Variants in PTPRD observed in about 807,000 individuals in gnomAD.
The protein encoded by PTPRD is protein tyrosine phosphatase receptor type D.
A neutral mutation model predicts 214.5 loss-of-function variants in PTPRD; 34 were observed. The ratio of observed to expected loss-of-function variants is 0.16; its 90% CI spans 0.12 to 0.21. The LOEUF is 0.21. PTPRD is among the 10% of genes least tolerant of loss of function. The probability of loss-of-function intolerance (pLI) is 1.00; values close to 1 mark genes in which losing one functional copy is unlikely to be tolerated. For synonymous variants in PTPRD, 1,128 were observed against 845.7 expected (o/e 1.33, Z -5.79); for missense variants, 2,545 against 2,398.7 (o/e 1.06, Z -1.27).
chr9:9,786,526 A>C (rs2154493241), intron 5 of PTPRD, among the ~76,000 whole-genome samples: 1 of 152,348 alleles, frequency 6.6e-6, no homozygotes, highest in East Asian at 1.9e-4. Context: ...GAAACACAAC[A>C]GAATGTTATA....
intron 2 of PTPRD, among the ~76,000 whole-genome samples, chr9:10,513,576 G>A (rs2133902148): frequency 6.6e-6 from 1 of 152,230 alleles, no homozygotes; most frequent in South Asian, 2.1e-4. Context: ...CGCTTTTTCT[G>A]GGAACATGGT....
At chr9:8,934,840 A>G (rs943476224) in intron 11 of PTPRD, among the ~76,000 whole-genome samples, 2 of 151,818 alleles carry the variant, frequency 1.3e-5, no homozygotes, top group Admixed American at 6.6e-5. Flanking sequence ...TTTGGATTCC[A>G]TACGTAAGTG....
At chr9:10,457,680 G>A (rs2098928642) in intron 2 of PTPRD, among the ~76,000 whole-genome samples, 1 of 152,016 alleles carries the variant, frequency 6.6e-6, no homozygotes. Flanking sequence ...CAAAGTAGCT[G>A]TGGCAATTTT....
intron 9 of PTPRD, among the ~76,000 whole-genome samples, chr9:9,346,981 T>C (rs536908472): frequency 4.6e-5 from 7 of 152,106 alleles, no homozygotes; most frequent in African/African-American, 1.7e-4. Context: ...GTGTGAGCCA[T>C]TGTGCCTGGC....
At chr9:9,287,034 G>A (rs989891951) in intron 9 of PTPRD, among the ~76,000 whole-genome samples, 1 of 149,326 alleles carries the variant, frequency 6.7e-6, no homozygotes, top group Non-Finnish European at 1.5e-5. Flanking sequence ...AGACAAGCCT[G>A]GCCAACATGG....
chr9:9,810,301 C>T (rs1215313225), intron 5 of PTPRD, among the ~76,000 whole-genome samples: 1 of 151,890 alleles, frequency 6.6e-6, no homozygotes, highest in Non-Finnish European at 1.5e-5. Context: ...TCAATGTAGA[C>T]AAAATAGCCT....
At chr9:9,014,854 T>C (rs537864457) in intron 11 of PTPRD, among the ~76,000 whole-genome samples, 1 of 152,276 alleles carries the variant, frequency 6.6e-6, no homozygotes, top group African/African-American at 2.4e-5. Flanking sequence ...AAATCACTTT[T>C]TCAACATTAT....
intron 11 of PTPRD, among the ~76,000 whole-genome samples, chr9:8,761,361 A>T (rs1024526827): frequency 6.6e-6 from 1 of 152,238 alleles, no homozygotes; most frequent in Non-Finnish European, 1.5e-5. Flanking sequence ...ATATATTATA[A>T]CTAACAAAAC....
intron 12 of PTPRD, among the ~76,000 whole-genome samples, chr9:8,653,436 C>A (rs1596151868): frequency 6.6e-6 from 1 of 152,022 alleles, no homozygotes; most frequent in Admixed American, 6.6e-5. Context: ...AAGGTTCTGC[C>A]ATCCTTCACT....
At chr9:9,867,880 G>T (rs2064380841) in intron 5 of PTPRD, among the ~76,000 whole-genome samples, 1 of 152,182 alleles carries the variant, frequency 6.6e-6, no homozygotes, top group African/African-American at 2.4e-5. Context: ...CAGGGTAGGG[G>T]AGGCAAGTCT....
intron 2 of PTPRD, among the ~76,000 whole-genome samples, chr9:10,592,187 T>G (rs994815584): frequency 6.6e-6 from 1 of 151,928 alleles, no homozygotes; most frequent in Non-Finnish European, 1.5e-5. Flanking sequence ...CCCAGGAAGA[T>G]AGCTATATGA....
Position 8,948,503 on chromosome 9 carries a change from ATT to A in PTPRD, c.-104+70192_-104+70193del, listed in dbSNP as rs1457854973. Among the ~76,000 whole-genome samples, 21 of 48,642 alleles carry A rather than the reference ATT, an allele frequency of 4.3e-4. 1 individual carries two copies. Among genetic ancestry groups the A allele is most frequent in the South Asian group, 9.2e-4 (1 of 1,090 alleles). 31.9% of individuals were successfully genotyped at this position (48,642 alleles called of 152,430 possible). On this transcript the variant is annotated intron_variant, in intron 11 of 45. Transcript: ENST00000381196. ...TATTTATATATATATTTATATATAT[ATT>A]TATATATATATATTTATATATATAT...
chr9:8,817,432 T>C (rs1009111684), intron 11 of PTPRD, among the ~76,000 whole-genome samples: 8 of 152,134 alleles, frequency 5.3e-5, no homozygotes, highest in Middle Eastern at 3.2e-3. Flanking sequence ...CTGGACAACA[T>C]AGTGACACCC....
intron 3 of PTPRD, among the ~76,000 whole-genome samples, chr9:10,193,788 T>C (rs2099384889): frequency 1.3e-5 from 2 of 152,188 alleles, no homozygotes; most frequent in African/African-American, 2.4e-5. Context: ...CAAAAAGTAA[T>C]ATATCTTTAA....
intron 2 of PTPRD, among the ~76,000 whole-genome samples, chr9:10,446,039 A>T (rs895959836): frequency 6.6e-6 from 1 of 152,050 alleles, no homozygotes; most frequent in Admixed American, 6.6e-5. Flanking sequence ...TTCTTAACAC[A>T]GGATCCAGTA....
intron 11 of PTPRD, among the ~76,000 whole-genome samples, chr9:8,874,890 G>T (rs2098365386): frequency 1.3e-5 from 2 of 152,172 alleles, no homozygotes; most frequent in South Asian, 4.1e-4. Context: ...GACCTAAGTT[G>T]GTGGTTCCAA....
chr9:9,819,622 C>T (rs2050015754), intron 5 of PTPRD, among the ~76,000 whole-genome samples: 1 of 152,086 alleles, frequency 6.6e-6, no homozygotes, highest in Admixed American at 6.6e-5. Flanking sequence ...AGGTACTGAG[C>T]ATAGTCCCCA....
At chr9:8,895,072 G>A (rs2098597407) in intron 11 of PTPRD, among the ~76,000 whole-genome samples, 1 of 152,154 alleles carries the variant, frequency 6.6e-6, no homozygotes, top group African/African-American at 2.4e-5. Context: ...TTCAACTTCT[G>A]CCTTTAAGTC....
At chr9:8,707,910 A>G (rs1025033333) in intron 12 of PTPRD, among the ~76,000 whole-genome samples, 1 of 152,182 alleles carries the variant, frequency 6.6e-6, no homozygotes, top group South Asian at 2.1e-4. Flanking sequence ...AATAAAAATG[A>G]TCATAGTGCA....
Sources: allele counts gnomAD v4.1 joint callset (sites outside exome capture counted in the v4.1 genomes callset), GRCh38; gene constraint gnomAD v4.1.1; transcripts MANE v1.5; gene names NCBI Gene and HGNC (gene_info 2026-07-23, HGNC 2026-07-21).